The following INSYN2A variants were observed in gnomAD, a reference collection of about 807,000 sequenced individuals.
The protein encoded by INSYN2A is inhibitory synaptic factor 2A, also known as family with sequence similarity 196 member A.
In INSYN2A, 17 loss-of-function variants were observed where a neutral mutation model predicts 39.4. The ratio of observed to expected loss-of-function variants is 0.43; its 90% CI spans 0.30 to 0.65. The LOEUF (loss-of-function observed/expected upper bound fraction) is 0.65, where lower values mean the gene tolerates loss of function less well. INSYN2A is among the 30% of genes least tolerant of loss of function. The probability of loss-of-function intolerance (pLI) is 0.14; values close to 1 mark genes in which losing one functional copy is unlikely to be tolerated. For missense variants in INSYN2A, 595 were observed against 631.2 expected (o/e 0.94, Z 0.61); for synonymous variants, 255 against 265.7 (o/e 0.96, Z 0.39).
At chr10:127,160,667 A>G (rs2053522542) in intron 4 of INSYN2A, among the ~76,000 whole-genome samples, 1 of 152,242 alleles carries the variant, frequency 6.6e-6, no homozygotes, top group Non-Finnish European at 1.5e-5. Context: ...GTCACACTGA[A>G]TCAATTCAGA....
chr10:127,195,529 C>A (rs1050001581), intron 1 of INSYN2A, among the ~76,000 whole-genome samples: 1 of 152,064 alleles, frequency 6.6e-6, no homozygotes, highest in South Asian at 2.1e-4. Context: ...CTCATCCCCC[C>A]CCCGAAGTTA....
chr10:127,173,605 A>T (rs2054787206), intron 4 of INSYN2A, among the ~76,000 whole-genome samples: 1 of 152,150 alleles, frequency 6.6e-6, no homozygotes, highest in African/African-American at 2.4e-5. Context: ...TTCACCAAAG[A>T]TGTTGGCATC....
Position 127,175,267 on chromosome 10 carries a change from T to C in INSYN2A, c.1129A>G (p.Lys377Glu), listed in dbSNP as rs2054977293. Residue 377 changes from lysine (K) to glutamate (E), a missense_variant, in exon 4 of 6, where the codon AAA (lysine) becomes GAA (glutamate). Physicochemically the swap from Lys to Glu is moderately conservative, Grantham distance 56. Transcript: ENST00000522781. The surrounding 1 kb of genome is among the most constrained non-coding windows in gnomAD (Gnocchi z 6.3). ...TCCTGAATGACCCCCAAGAGCACTT[T>C]GATGGTTTCTTGGCTTGAACTGATC... ...NLISSSQETI[K>E]VLLGVIQELE... The C allele has an allele frequency of 6.2e-7, 1 of 1,614,060 alleles. No individual in the cohort carries two copies. The highest frequency in any genetic ancestry group is 8.5e-7 in the Non-Finnish European group (1 of 1,180,046).
intron 5 of INSYN2A, among the ~76,000 whole-genome samples, chr10:127,145,392 A>T (rs1208113099): frequency 1.3e-5 from 2 of 152,226 alleles, no homozygotes. Flanking sequence ...ACGAGTCATG[A>T]TAATCAGAGG....
intron 4 of INSYN2A, among the ~76,000 whole-genome samples, chr10:127,154,264 A>G (rs1357931003): frequency 6.6e-6 from 1 of 152,256 alleles, no homozygotes; most frequent in Non-Finnish European, 1.5e-5. Context: ...AACCACATAC[A>G]CATATGCTGA....
At position 127,153,843 on chromosome 10, in the gene INSYN2A, T is replaced by A. The variant is rs370262110; in HGVS notation, c.1256+9A>T. 1 of 1,602,184 alleles carries A rather than the reference T, an allele frequency of 6.2e-7. No individual in the cohort carries two copies. The highest frequency in any genetic ancestry group is 1.3e-5 in the African/African-American group (1 of 74,666). On this transcript the variant is annotated intron_variant, in intron 5 of 5. Transcript: ENST00000522781. Reference sequence around the variant, plus strand: ...ATAAGAAAGTGGGAAGAGGAGAATGTTAACATACCTATAGATAATACATGC... The same window carrying A: ...ATAAGAAAGTGGGAAGAGGAGAATGATAACATACCTATAGATAATACATGC...
chr10:127,192,463 A>G (rs1474131981), intron 2 of INSYN2A, 142 bp downstream of exon 2: 1 of 152,186 alleles, frequency 6.6e-6, no homozygotes, highest in Non-Finnish European at 1.5e-5. Flanking sequence ...TCAGGTTAGA[A>G]TGTTTTGTTT....
chr10:127,148,559 AT>A (rs1231727112), intron 5 of INSYN2A, among the ~76,000 whole-genome samples: 1 of 152,190 alleles, frequency 6.6e-6, no homozygotes, highest in Non-Finnish European at 1.5e-5. Flanking sequence ...GAAGGAGAGA[AT>A]GGCTGGTTTG....
At chr10:127,166,680 C>T (rs2054116593) in intron 4 of INSYN2A, among the ~76,000 whole-genome samples, 2 of 152,366 alleles carry the variant, frequency 1.3e-5, no homozygotes, top group East Asian at 3.9e-4. Context: ...GCTCCCTCAG[C>T]TCCAGTGGGA....
Position 127,175,726 on chromosome 10 carries a change from GCT to G in INSYN2A, c.668_669del (p.Gln223ProfsTer27). 1 of 1,614,088 alleles carries G rather than the reference GCT, an allele frequency of 6.2e-7. No individual in the cohort carries two copies. The highest frequency in any genetic ancestry group is 8.5e-7 in the Non-Finnish European group (1 of 1,180,028). ...CGGTCCTGCTTGGCCCTCCCGAGCA[GCT>G]GGTAATCGGGCTCTTCGGATGGAGG... is the stretch of plus-strand genomic sequence containing the variant. Reference protein sequence around the residue: ...TRPPSEEPDYQLLGRAKQDRG... With the variant: ...TRPPSEEPDYXLLGRAKQDRG... On this transcript the variant is annotated frameshift_variant, in exon 4 of 6. Transcript: ENST00000522781. LOFTEE classifies it high-confidence loss of function. The surrounding 1 kb of genome is among the most constrained non-coding windows in gnomAD (Gnocchi z 6.3).
rs1032629394 is a variant in INSYN2A at position 127,175,195 on chromosome 10, T to C, written c.1184+17A>G. On this transcript the variant is annotated intron_variant, in intron 4 of 5. Coordinates refer to ENST00000522781, the MANE Select transcript of INSYN2A (RefSeq NM_001039762.3). This position sits in a 1 kb window ranked among gnomAD's most constrained non-coding sequence, Gnocchi z 6.3. The stretch of plus-strand genomic sequence containing the variant: ...TCAGCCTGCATAGCTTCCTAAGACA[T>C]GGGTGAACATACATACCCTTCCCGA... 6.3e-7 allele frequency: 1 copy of C among 1,590,888 alleles called. No homozygotes were observed.
chr10:127,138,527 C>T (rs921375710), intron 5 of INSYN2A, among the ~76,000 whole-genome samples: 1 of 152,150 alleles, frequency 6.6e-6, no homozygotes, highest in African/African-American at 2.4e-5. Context: ...CTGACATTCT[C>T]CTTGTAAAAG....
chr10:127,187,834 A>T (rs2056425299), intron 2 of INSYN2A, among the ~76,000 whole-genome samples: 1 of 152,216 alleles, frequency 6.6e-6, no homozygotes, highest in African/African-American at 2.4e-5. Flanking sequence ...ACCCCAGTCC[A>T]GGTAAATCAG....
At chr10:127,144,185 A>C (rs1220890563) in intron 5 of INSYN2A, among the ~76,000 whole-genome samples, 1 of 152,134 alleles carries the variant, frequency 6.6e-6, no homozygotes. Context: ...TCCAGTTACC[A>C]GAGTCACCTT....
At position 127,175,856 on chromosome 10, in the gene INSYN2A, GTGTTGGT is replaced by G; in HGVS notation, c.533_539del (p.Asn178ThrfsTer2). 1 of 1,614,168 alleles carries G rather than the reference GTGTTGGT, an allele frequency of 6.2e-7. No homozygotes were observed. The highest frequency in any genetic ancestry group is 8.5e-7 in the Non-Finnish European group (1 of 1,180,038). On this transcript the variant is annotated frameshift_variant, in exon 4 of 6. Transcript: ENST00000522781. LOFTEE classifies it high-confidence loss of function. The surrounding 1 kb of genome is among the most constrained non-coding windows in gnomAD (Gnocchi z 6.3). ...CCAAAGGCTGGTCCACTGTGTTCAT[GTGTTGGT>G]TGGAATGGAAAACCAAGGCTGTGGT...
intron 4 of INSYN2A, among the ~76,000 whole-genome samples, chr10:127,167,618 C>G (rs1258916676): frequency 6.6e-6 from 1 of 152,078 alleles, no homozygotes; most frequent in Non-Finnish European, 1.5e-5. Context: ...AGGGCCTCTC[C>G]TCTCATTTGG....
At position 127,177,579 on chromosome 10, in the gene INSYN2A, CAG is replaced by C. The variant is rs552443700; in HGVS notation, c.-268-442_-268-441del. Reference sequence around the variant, plus strand: ...GCCCGAGTGGCTGGAGCTGAGTGCCCAGAGAGGCAAGGTCATGGACATGGGCC... The same window carrying C: ...GCCCGAGTGGCTGGAGCTGAGTGCCCAGAGGCAAGGTCATGGACATGGGCC... On this transcript the variant is annotated intron_variant, in intron 2 of 5. Transcript: ENST00000522781. Among the ~76,000 whole-genome samples, 134 of 152,322 alleles carry C rather than the reference CAG, an allele frequency of 8.8e-4. 1 individual carries two copies. The highest frequency in any genetic ancestry group is 2.9e-3 in the African/African-American group (121 of 41,572).
In INSYN2A at chr10:127,177,014, C is replaced by T. The variant is rs146339400; in HGVS notation, c.-143G>A. On this transcript the variant is annotated 5_prime_UTR_variant, in exon 3 of 6. Transcript: ENST00000522781. ...TGGGTGGGAACCGTGAAGGAGAAGTCGTCGAGGGGTGGTCGCTTCTCATGG... is the reference window on the plus strand; with the variant it reads ...TGGGTGGGAACCGTGAAGGAGAAGTTGTCGAGGGGTGGTCGCTTCTCATGG... 1.9e-3 allele frequency: 294 copies of T among 152,154 alleles called. No individual in the cohort carries two copies. Among genetic ancestry groups the T allele is most frequent in the African/African-American group, 6.6e-3 (272 of 41,434 alleles). The allele number at this position is 152,154 out of a possible 1,614,324, so 9.4% of individuals were successfully genotyped here.
At position 127,138,032 on chromosome 10, in the gene INSYN2A, A is replaced by G. The variant is rs1467418363; in HGVS notation, c.1257-12T>C. Reference sequence around the variant, plus strand: ...AATCCAGCTCCACACTAGAAAAGAGAGAGAGTGAAGACTTTAGCATTTGAT... The same window carrying G: ...AATCCAGCTCCACACTAGAAAAGAGGGAGAGTGAAGACTTTAGCATTTGAT... On this transcript the variant is annotated splice_polypyrimidine_tract_variant and intron_variant, in intron 5 of 5. Coordinates refer to ENST00000522781, the MANE Select transcript of INSYN2A (RefSeq NM_001039762.3). 1 of 1,596,238 alleles carries G rather than the reference A, an allele frequency of 6.3e-7. No homozygotes were observed.
Sources: allele counts gnomAD v4.1 joint callset (sites outside exome capture counted in the v4.1 genomes callset), GRCh38; gene constraint gnomAD v4.1.1; non-coding constraint Gnocchi (gnomAD v3.1); transcripts MANE v1.5; gene names NCBI Gene and HGNC (gene_info 2026-07-23, HGNC 2026-07-21).